SWAP70: variants seen among roughly 807,000 people sequenced by gnomAD.
SWAP70 encodes switch-associated protein 70.
A neutral mutation model predicts 80.2 loss-of-function variants in SWAP70; 34 were observed. That is an observed-to-expected ratio of 0.42 (90% CI 0.32 to 0.56). The LOEUF is 0.56. SWAP70 is among the 20% of genes least tolerant of loss of function. The probability of loss-of-function intolerance (pLI) is 0.09; values close to 1 mark genes in which losing one functional copy is unlikely to be tolerated. For synonymous variants in SWAP70, 239 were observed against 238.5 expected, an observed-to-expected ratio of 1.00 and a Z score of -0.02; for missense variants, 578 against 690.7, an observed-to-expected ratio of 0.84 and a Z score of 1.83.
At chr11:9,690,949 G>A (rs767995784) in intron 1 of SWAP70, among the ~76,000 whole-genome samples, 10 of 151,874 alleles carry the variant, frequency 6.6e-5, no homozygotes, top group Non-Finnish European at 8.8e-5. Context: ...TGTCACCAAG[G>A]TTGGAGTGCA....
chr11:9,666,629 A>G (rs939117719), intron 1 of SWAP70, among the ~76,000 whole-genome samples: 1 of 152,012 alleles, frequency 6.6e-6, no homozygotes, highest in African/African-American at 2.4e-5. Context: ...ACAATATTAA[A>G]TTTTTTGCTT....
intron 3 of SWAP70, among the ~76,000 whole-genome samples, chr11:9,716,330 G>A (rs1247397149): frequency 6.6e-6 from 1 of 152,162 alleles, no homozygotes; most frequent in East Asian, 1.9e-4. Context: ...GAACCTAGAG[G>A]TCACAGGACC....
chr11:9,730,893 T>TA (rs1376362638), intron 6 of SWAP70, among the ~76,000 whole-genome samples: 2 of 152,218 alleles, frequency 1.3e-5, no homozygotes, highest in Admixed American at 1.3e-4. Flanking sequence ...GTGAGCATTG[T>TA]ACCCAACAGC....
At chr11:9,681,771 G>A (rs1850570996) in intron 1 of SWAP70, among the ~76,000 whole-genome samples, 1 of 152,220 alleles carries the variant, frequency 6.6e-6, no homozygotes, top group African/African-American at 2.4e-5. Context: ...AGCTTGGGGT[G>A]AGGACATGAG....
intron 2 of SWAP70, among the ~76,000 whole-genome samples, chr11:9,698,097 T>TG (rs1445455174): frequency 1.5e-5 from 2 of 133,438 alleles, no homozygotes; most frequent in Admixed American, 8.4e-5. Flanking sequence ...ATACATGTTT[T>TG]TTGTTTTTTT....
chr11:9,698,421 G>A (rs1257465895), intron 2 of SWAP70, among the ~76,000 whole-genome samples: 3 of 151,036 alleles, frequency 2.0e-5, no homozygotes, highest in South Asian at 2.1e-4. Context: ...TTTTTGAGAC[G>A]GAGTCTCTCT....
chr11:9,716,085 G>A (rs531302801), intron 3 of SWAP70, among the ~76,000 whole-genome samples: 6 of 152,212 alleles, frequency 3.9e-5, no homozygotes, highest in Non-Finnish European at 8.8e-5. Context: ...AATGATACAT[G>A]TCCTTTCTTA....
At chr11:9,670,610 G>C (rs1590004967) in intron 1 of SWAP70, among the ~76,000 whole-genome samples, 1 of 152,042 alleles carries the variant, frequency 6.6e-6, no homozygotes, top group African/African-American at 2.4e-5. Flanking sequence ...TATGGTAGAT[G>C]ATGAGAGGAA....
intron 3 of SWAP70, among the ~76,000 whole-genome samples, chr11:9,719,502 C>T (rs61876865): frequency 0.18 from 26,760 of 151,718 alleles, 3,044 homozygotes; most frequent in Non-Finnish European, 0.25. Context: ...GAGCCGAGAT[C>T]GTGCCACTGG....
chr11:9,688,034 C>G (rs2134441431), intron 1 of SWAP70, among the ~76,000 whole-genome samples: 1 of 152,264 alleles, frequency 6.6e-6, no homozygotes, highest in African/African-American at 2.4e-5. Flanking sequence ...GTTCTAGTCC[C>G]TACTTTGTTG....
At chr11:9,740,935 A>G (rs1851429451) in intron 9 of SWAP70, 1 of 155,586 alleles carries the variant, frequency 6.4e-6, no homozygotes, top group Admixed American at 6.3e-5. Flanking sequence ...CCTTCATGGC[A>G]GCAGGGAGGA....
chr11:9,742,979 A>G (rs1851461661), intron 9 of SWAP70, among the ~76,000 whole-genome samples: 1 of 149,202 alleles, frequency 6.7e-6, no homozygotes, highest in Non-Finnish European at 1.5e-5. Context: ...TACATGTGCC[A>G]TGCTGGTGTG....
chr11:9,719,093 CAAAA>C (rs3049796), intron 3 of SWAP70, among the ~76,000 whole-genome samples: 3 of 95,708 alleles, frequency 3.1e-5, no homozygotes, highest in Admixed American at 2.4e-4. Flanking sequence ...GACACTGAAT[CAAAA>C]AAAAAAAAAA....
chr11:9,692,110 G>A (rs969532087), intron 1 of SWAP70, among the ~76,000 whole-genome samples: 2 of 151,888 alleles, frequency 1.3e-5, no homozygotes, highest in African/African-American at 4.8e-5. Context: ...TGTGGAATAT[G>A]TCTTCCTTTT....
At chr11:9,675,881 A>T (rs1267674497) in intron 1 of SWAP70, among the ~76,000 whole-genome samples, 1 of 152,164 alleles carries the variant, frequency 6.6e-6, no homozygotes, top group East Asian at 1.9e-4. Context: ...CATCCTGTGC[A>T]CGTTCATAGA....
chr11:9,714,812 T>C (rs1851044185), intron 3 of SWAP70, among the ~76,000 whole-genome samples: 2 of 77,678 alleles, frequency 2.6e-5, no homozygotes. Context: ...AGGGGATTTT[T>C]TTTTTTTTTT....
In SWAP70 at chr11:9,710,543, A is replaced by G. The variant is rs377047252; in HGVS notation, c.241-2923A>G. Reference sequence around the variant, plus strand: ...GCGGACAGCTGGTGACTTTTTTCATATAGTGAAAAAATGGTTTGTTCATAT... The same window carrying G: ...GCGGACAGCTGGTGACTTTTTTCATGTAGTGAAAAAATGGTTTGTTCATAT... On this transcript the variant is annotated intron_variant, in intron 2 of 11. Transcript: ENST00000318950. Among the ~76,000 whole-genome samples, 4 of 152,242 alleles carry G rather than the reference A, an allele frequency of 2.6e-5. No homozygotes were observed. The East Asian group carries it at 5.8e-4, about 22-fold the overall frequency.
intron 9 of SWAP70, among the ~76,000 whole-genome samples, chr11:9,744,055 C>T (rs1851478438): frequency 6.6e-6 from 1 of 151,886 alleles, no homozygotes; most frequent in Admixed American, 6.6e-5. Context: ...CTCTGCCTCC[C>T]AGGTTCAAGC....
At position 9,691,093 on chromosome 11, in the gene SWAP70, C is replaced by G. The variant is rs1350031975; in HGVS notation, c.100-3053C>G. ...CCACCACATCCAGCTAGCTTTTGTA[C>G]TTTCTATAGAGATGGGGTTTTGCCA... On this transcript the variant is annotated intron_variant, in intron 1 of 11. Coordinates refer to ENST00000318950, the MANE Select transcript of SWAP70 (RefSeq NM_015055.4). Among the ~76,000 whole-genome samples, 3 of 152,066 alleles carry G rather than the reference C, an allele frequency of 2.0e-5. No individual in the cohort carries two copies. The South Asian group carries it at 6.2e-4, about 32-fold the overall frequency.
Sources: allele counts gnomAD v4.1 joint callset (sites outside exome capture counted in the v4.1 genomes callset), GRCh38; gene constraint gnomAD v4.1.1; transcripts MANE v1.5; gene names NCBI Gene and HGNC (gene_info 2026-07-23, HGNC 2026-07-21).